The following CDC7 variants were observed in gnomAD, a reference collection of about 807,000 sequenced individuals.
The protein encoded by CDC7 is cell division cycle 7-related protein kinase.
A neutral mutation model predicts 53.5 loss-of-function variants in CDC7; 34 were observed. That is an observed-to-expected ratio of 0.64 (90% CI 0.48 to 0.85). The LOEUF (loss-of-function observed/expected upper bound fraction) is 0.85. Among genes scored for constraint, CDC7 ranks in the 40% least tolerant of loss-of-function variants. CDC7 has a pLI of 0.00. For synonymous variants in CDC7, 211 were observed against 222.8 expected (o/e 0.95, Z 0.47); for missense variants, 594 against 679.7 (o/e 0.87, Z 1.40).
intron 10 of CDC7, 116 bp from the exon 11 acceptor site, chr1:91,520,014 G>T: frequency 2.6e-6 from 2 of 779,368 alleles, no homozygotes; most frequent in Non-Finnish European, 3.7e-6. Context: ...CTGGGCATCT[G>T]AAATTTTTAA....
intron 2 of CDC7, among the ~76,000 whole-genome samples, chr1:91,504,309 G>A (rs911119144): frequency 2.0e-5 from 3 of 152,050 alleles, no homozygotes; most frequent in Non-Finnish European, 4.4e-5. Flanking sequence ...ATCTTGCTAT[G>A]TTGCCCAGGC....
chr1:91,515,435 C>T (rs1457161662), intron 9 of CDC7, among the ~76,000 whole-genome samples: 1 of 152,122 alleles, frequency 6.6e-6, no homozygotes, highest in East Asian at 1.9e-4. Flanking sequence ...TCTTGATTAA[C>T]TCAAATATAT....
rs768798366 is a variant in CDC7 at position 91,513,206 on chromosome 1, C to G, written c.721C>G (p.Pro241Ala). 4.3e-6 allele frequency: 7 copies of G among 1,613,424 alleles called. No homozygotes were observed. The highest frequency in any genetic ancestry group is 5.9e-6 in the Non-Finnish European group (7 of 1,179,678). Residue 241 changes from proline to alanine, a missense_variant, in exon 7 of 12, where the codon CCA becomes GCA. Pro to Ala is a conservative substitution (Grantham distance 27). Transcript: ENST00000234626. ...ITGNKIPLSG[P>A]VPKELDQQST... The stretch of plus-strand genomic sequence containing the variant: ...AGGAAACAAGATTCCACTGAGTGGC[C>G]CAGTACCTAAGGAGCTGGATCAGCA...
chr1:91,523,894 CTGTG>C (rs56282166), intron 11 of CDC7, 143 bp from the exon 12 acceptor site: 43,851 of 550,930 alleles, frequency 0.08, 1,494 homozygotes, highest in African/African-American at 0.22. Flanking sequence ...CTATCTCATA[CTGTG>C]TGTGTGTGTG....
intron 6 of CDC7, among the ~76,000 whole-genome samples, chr1:91,512,193 A>G (rs1023919746): frequency 1.3e-5 from 2 of 152,074 alleles, no homozygotes; most frequent in Non-Finnish European, 2.9e-5. Context: ...TTTATCCTAC[A>G]TATCTGCTAC....
intron 11 of CDC7, 91 bp from the exon 12 acceptor site, chr1:91,523,950 A>C (rs1668126776): frequency 1.1e-6 from 1 of 903,780 alleles, no homozygotes; most frequent in Non-Finnish European, 1.7e-6. Flanking sequence ...CATATGTTTG[A>C]ACTTTCATGT....
intron 6 of CDC7, among the ~76,000 whole-genome samples, 156 bp downstream of exon 6, chr1:91,512,079 TTTTACGGCA>T (rs1667317707): frequency 6.6e-6 from 1 of 152,116 alleles, no homozygotes; most frequent in South Asian, 2.1e-4. Context: ...TTATTTTTGT[TTTTACGGCA>T]AGAGCAGCTA....
Position 91,524,428 on chromosome 1 carries a change from G to A in CDC7, c.1718G>A (p.Ser573Asn). ...ALLHPFFKDM[S>N]L The stretch of plus-strand genomic sequence containing the variant: ...TTGCATCCATTTTTTAAAGATATGA[G>A]CTTGTGATAATGGATCTTCATTTAA... The change falls in exon 12 of 12, where the codon AGC becomes AAC. Residue 573 changes from serine (S) to asparagine (N), a missense_variant. Physicochemically the swap from Ser to Asn is conservative, Grantham distance 46 (BLOSUM62 1). Transcript: ENST00000234626. 6.2e-7 allele frequency: 1 copy of A among 1,600,670 alleles called. No individual in the cohort carries two copies.
At position 91,510,784 on chromosome 1, in the gene CDC7, T is replaced by C. The variant is rs13447498; in HGVS notation, c.336-813T>C. Among the ~76,000 whole-genome samples, 139 of 152,300 alleles carry C rather than the reference T, an allele frequency of 9.1e-4. 1 individual carries two copies. Among genetic ancestry groups the C allele is most frequent in the Admixed American group, 2.9e-3 (45 of 15,280 alleles). ...TTTTGTTTCTTCCTTTCCACTTAAATTGCTGTCTTAAAAATTACCAGTTAA... is the reference window on the plus strand; with the variant it reads ...TTTTGTTTCTTCCTTTCCACTTAAACTGCTGTCTTAAAAATTACCAGTTAA... On this transcript the variant is annotated intron_variant, in intron 4 of 11. Transcript: ENST00000234626.
intron 9 of CDC7, 55 bp downstream of exon 9, chr1:91,515,052 C>A: frequency 6.7e-7 from 1 of 1,503,436 alleles, no homozygotes; most frequent in Non-Finnish European, 9.1e-7. Flanking sequence ...TTAGAAATTG[C>A]ATTGACTTGG....
intron 2 of CDC7, among the ~76,000 whole-genome samples, chr1:91,502,592 C>G (rs1666750822): frequency 6.6e-6 from 1 of 152,168 alleles, no homozygotes; most frequent in Non-Finnish European, 1.5e-5. Context: ...ACATCACATA[C>G]TTTCTGCTTT....
chr1:91,519,645 A>C (rs1309147874), intron 10 of CDC7, among the ~76,000 whole-genome samples: 1 of 152,244 alleles, frequency 6.6e-6, no homozygotes, highest in Non-Finnish European at 1.5e-5. Context: ...ATTTTTTAAA[A>C]GTTTCTATAG....
chr1:91,524,521 C>A lies in CDC7; in HGVS notation c.*86C>A. On this transcript the variant is annotated 3_prime_UTR_variant, in exon 12 of 12. Transcript: ENST00000234626. ...TAGCCACAAGTTCTTGTTTAGAGACCAGAGCAGGATTAATAATTTATTTTA... is the reference window on the plus strand; with the variant it reads ...TAGCCACAAGTTCTTGTTTAGAGACAAGAGCAGGATTAATAATTTATTTTA... The A allele has an allele frequency of 2.0e-6, 2 of 992,560 alleles. No individual in the cohort carries two copies. The highest frequency in any genetic ancestry group is 3.0e-6 in the Non-Finnish European group (2 of 671,608). 61.5% of individuals were successfully genotyped at this position (992,560 alleles called of 1,614,324 possible). A position where few individuals can be genotyped will look rare whatever the true frequency, so the allele number is the denominator to read the frequency against.
At position 91,524,858 on chromosome 1, in the gene CDC7, G is replaced by C. The variant is rs941094736; in HGVS notation, c.*423G>C. On this transcript the variant is annotated 3_prime_UTR_variant, in exon 12 of 12. Coordinates refer to ENST00000234626, the MANE Select transcript of CDC7 (RefSeq NM_003503.4). Reference sequence around the variant, plus strand: ...GGTATAGTTTGGGGAAACTCAACCTGGTGCTGGTGCTCTTAACAATTTTGT... The same window carrying C: ...GGTATAGTTTGGGGAAACTCAACCTCGTGCTGGTGCTCTTAACAATTTTGT... The C allele has an allele frequency of 6.5e-6, 1 of 153,608 alleles. No individual in the cohort carries two copies. The highest frequency in any genetic ancestry group is 2.1e-4 in the South Asian group (1 of 4,770). 9.5% of individuals were successfully genotyped at this position (153,608 alleles called of 1,614,324 possible). A position where few individuals can be genotyped will look rare whatever the true frequency, so the allele number is the denominator to read the frequency against.
chr1:91,512,688 T>G (rs969244749), intron 6 of CDC7, among the ~76,000 whole-genome samples: 8 of 152,096 alleles, frequency 5.3e-5, no homozygotes, highest in African/African-American at 1.9e-4. Context: ...TGGATCAGAT[T>G]TTAAAACCAT....
intron 10 of CDC7, among the ~76,000 whole-genome samples, chr1:91,516,176 G>A (rs1225566718): frequency 6.6e-6 from 1 of 151,650 alleles, no homozygotes; most frequent in East Asian, 1.9e-4. Context: ...GTAATCTGTG[G>A]AATTTTGCTG....
intron 10 of CDC7, among the ~76,000 whole-genome samples, chr1:91,518,905 C>CA (rs1341442878): frequency 4.0e-5 from 6 of 151,668 alleles, no homozygotes; most frequent in Non-Finnish European, 8.8e-5. Flanking sequence ...ACCAAAAATA[C>CA]AAAAAAGTAG....
At chr1:91,515,236 G>C (rs2102375203) in intron 9 of CDC7, among the ~76,000 whole-genome samples, 1 of 152,290 alleles carries the variant, frequency 6.6e-6, no homozygotes, top group African/African-American at 2.4e-5. Flanking sequence ...AAGTGGGACG[G>C]GGTGGCTTTT....
In CDC7 at chr1:91,514,854, T is replaced by C; in HGVS notation, c.954T>C (p.Ser318=). Residue 318 remains serine, a synonymous_variant, in exon 9 of 12, where the codon TCT becomes TCC. Coordinates refer to ENST00000234626, the MANE Select transcript of CDC7 (RefSeq NM_003503.4). ...AGTCAAAGACTGTGGATGTACTGTC[T>C]AGAAAGTTAGCAACAAAAAAGAAGG... ...MKQSKTVDVL[S]RKLATKKKAI... is the part of the protein sequence containing the mutation. 1.2e-6 allele frequency: 2 copies of C among 1,613,092 alleles called. No individual in the cohort carries two copies. The highest frequency in any genetic ancestry group is 1.7e-6 in the Non-Finnish European group (2 of 1,179,476).
Sources: gnomAD v4.1 joint callset for allele counts (sites outside exome capture counted in the v4.1 genomes callset) on GRCh38, gnomAD v4.1.1 for gene constraint, MANE v1.5 for transcripts, NCBI Gene and HGNC (gene_info 2026-07-23, HGNC 2026-07-21) for gene names.